Variants in SYT17 observed in about 807,000 individuals in gnomAD.
SYT17 encodes the protein synaptotagmin-17.
A neutral mutation model predicts 46.7 loss-of-function variants in SYT17; 22 were observed. The ratio of observed to expected loss-of-function variants is 0.47; its 90% CI spans 0.34 to 0.67. The LOEUF is 0.67. Ranked by LOEUF, SYT17 falls within the 30% of genes least tolerant of loss-of-function variation. The pLI, the probability that SYT17 is intolerant of heterozygous loss-of-function variation, is 0.01. For missense variants in SYT17, 519 were observed against 612.8 expected, an observed-to-expected ratio of 0.85 and a Z score of 1.62; for synonymous variants, 251 against 248.4, an observed-to-expected ratio of 1.01 and a Z score of -0.10.
chr16:19,192,818 A>G (rs1434147768), intron 5 of SYT17, among the ~76,000 whole-genome samples: 1 of 152,164 alleles, frequency 6.6e-6, no homozygotes, highest in African/African-American at 2.4e-5. Flanking sequence ...GTGGGTTTCT[A>G]CTACTGTGAT....
At chr16:19,218,376 A>C (rs1449914722) in intron 5 of SYT17, among the ~76,000 whole-genome samples, 1 of 152,234 alleles carries the variant, frequency 6.6e-6, no homozygotes, top group African/African-American at 2.4e-5. Flanking sequence ...AGGCAGACAG[A>C]AACAGTGGCC....
chr16:19,250,359 T>TTGTGTGTG (rs55818940), intron 7 of SYT17, among the ~76,000 whole-genome samples: 9,535 of 132,434 alleles, frequency 0.072, 392 homozygotes, highest in East Asian at 0.14. Context: ...TCAAACATGT[T>TTGTGTGTG]TGTGTGTGTG....
At chr16:19,243,878 G>A (rs56678124) in intron 7 of SYT17, among the ~76,000 whole-genome samples, 4,880 of 138,368 alleles carry the variant, frequency 0.035, 285 homozygotes, top group African/African-American at 0.12. Context: ...GATAAAATAA[G>A]GGCCCCAGCC....
intron 7 of SYT17, chr16:19,250,083 G>A: frequency 6.6e-7 from 1 of 1,521,530 alleles, no homozygotes; most frequent in African/African-American, 1.4e-5. Flanking sequence ...GATTGAGTTG[G>A]TTGTGTGTCT....
chr16:19,168,417 G>T lies in SYT17; in HGVS notation c.-230G>T, dbSNP rs1963947326. 3.3e-6 allele frequency: 2 copies of T among 597,392 alleles called. No homozygotes were observed. The highest frequency in any genetic ancestry group is 2.0e-5 in the South Asian group (1 of 49,230). 37.0% of individuals were successfully genotyped at this position (597,392 alleles called of 1,614,324 possible). A position where few individuals can be genotyped will look rare whatever the true frequency, so the allele number is the denominator to read the frequency against. ...GGGGCCCTGGGCGCCCGATATCTCC[G>T]AACCGGGGAGGCGGCCCCGATTCCG... is the stretch of plus-strand genomic sequence containing the variant. On this transcript the variant is annotated 5_prime_UTR_variant, in exon 1 of 8. Transcript: ENST00000355377. The surrounding 1 kb of genome is among the most constrained non-coding windows in gnomAD (Gnocchi z 6.9).
chr16:19,262,296 A>T (rs1467487247), intron 7 of SYT17, among the ~76,000 whole-genome samples: 1 of 152,196 alleles, frequency 6.6e-6, no homozygotes, highest in African/African-American at 2.4e-5. Flanking sequence ...GTGCCCTTAT[A>T]ACAGAAACCC....
intron 7 of SYT17, among the ~76,000 whole-genome samples, chr16:19,239,162 G>A (rs955274982): frequency 3.9e-5 from 6 of 152,080 alleles, no homozygotes; most frequent in African/African-American, 7.2e-5. Context: ...GCGTGTGGCT[G>A]TAGTCCCAGC....
intron 6 of SYT17, among the ~76,000 whole-genome samples, chr16:19,223,874 G>A (rs1002216452): frequency 4.6e-5 from 7 of 152,214 alleles, no homozygotes; most frequent in African/African-American, 1.7e-4. Flanking sequence ...AAGAGTTTCA[G>A]ACTCACCACG....
chr16:19,168,512 G>A lies in SYT17; in HGVS notation c.-135G>A. ...GGGGCGGGCGCCGCTCATCAGCCAC[G>A]CCAGTCACGTCTGGGGCCACCGGCT... On this transcript the variant is annotated 5_prime_UTR_variant, in exon 1 of 8. Transcript: ENST00000355377. This position sits in a 1 kb window ranked among gnomAD's most constrained non-coding sequence, Gnocchi z 6.9. 1 of 1,270,814 alleles carries A rather than the reference G, an allele frequency of 7.9e-7. No homozygotes were observed. Among genetic ancestry groups the A allele is most frequent in the Non-Finnish European group, 1.1e-6 (1 of 921,034 alleles). 78.7% of individuals were successfully genotyped at this position (1,270,814 alleles called of 1,614,324 possible). A position where few individuals can be genotyped will look rare whatever the true frequency, so the allele number is the denominator to read the frequency against.
At chr16:19,177,944 G>A (rs1347904401) in intron 3 of SYT17, among the ~76,000 whole-genome samples, 2 of 152,228 alleles carry the variant, frequency 1.3e-5, no homozygotes, top group African/African-American at 4.8e-5. Flanking sequence ...GTGCCATTTA[G>A]AGTTTAGCAT....
intron 7 of SYT17, among the ~76,000 whole-genome samples, chr16:19,250,254 G>C (rs1055362390): frequency 6.6e-6 from 1 of 151,420 alleles, no homozygotes; most frequent in Admixed American, 6.6e-5. Flanking sequence ...TCTCTCTCTC[G>C]ACTCATATTT....
At chr16:19,242,454 G>C (rs1360617165) in intron 7 of SYT17, among the ~76,000 whole-genome samples, 1 of 152,188 alleles carries the variant, frequency 6.6e-6, no homozygotes, top group Non-Finnish European at 1.5e-5. Context: ...CTCATGGAGT[G>C]AATTAGGCAA....
chr16:19,250,695 G>A (rs1045403895), intron 7 of SYT17, among the ~76,000 whole-genome samples: 6 of 150,532 alleles, frequency 4.0e-5, no homozygotes, highest in Non-Finnish European at 5.9e-5. Flanking sequence ...GATTACAGGC[G>A]TGAACCACCA....
At chr16:19,190,933 C>T (rs1964992987) in intron 5 of SYT17, among the ~76,000 whole-genome samples, 1 of 151,874 alleles carries the variant, frequency 6.6e-6, no homozygotes, top group South Asian at 2.1e-4. Flanking sequence ...GTGCAGATGG[C>T]TTTTTGACCA....
At chr16:19,180,230 G>T in intron 3 of SYT17, 161 bp from the exon 4 acceptor site, 1 of 659,166 alleles carries the variant, frequency 1.5e-6, no homozygotes. Context: ...GCAAGACGTT[G>T]TTGAGAGTTT....
rs180837978 is a variant in SYT17 at position 19,239,043 on chromosome 16, C to T, written c.1228+14205C>T. ...CTGTAATCCCAGCACTTTGGAAGGC[C>T]GGGGCAGGAGGATTGCTCGGGGCTG... is the stretch of plus-strand genomic sequence containing the variant. On this transcript the variant is annotated intron_variant, in intron 7 of 7. Coordinates refer to ENST00000355377, the MANE Select transcript of SYT17 (RefSeq NM_016524.4). Among the ~76,000 whole-genome samples the T allele has an allele frequency of 3.6e-3, 548 of 151,296 alleles. 4 individuals carry two copies. Among genetic ancestry groups the T allele is most frequent in the African/African-American group, 0.012 (509 of 41,228 alleles).
intron 7 of SYT17, among the ~76,000 whole-genome samples, chr16:19,248,299 G>A (rs62025401): frequency 0.14 from 21,469 of 152,124 alleles, 2,100 homozygotes; most frequent in African/African-American, 0.27. Flanking sequence ...AGCCACTTTG[G>A]AAACAGTTAT....
intron 2 of SYT17, 45 bp downstream of exon 2, chr16:19,172,822 A>AATGC (rs1210222457): frequency 6.2e-7 from 1 of 1,612,312 alleles, no homozygotes; most frequent in East Asian, 2.2e-5. Flanking sequence ...CTAATCAAGA[A>AATGC]ATGCCTGACT....
chr16:19,261,822 G>A (rs906145554), intron 7 of SYT17, among the ~76,000 whole-genome samples: 3 of 152,154 alleles, frequency 2.0e-5, no homozygotes, highest in African/African-American at 7.2e-5. Context: ...AGATAAGTCT[G>A]TCTCATTTTT....
Sources: gnomAD v4.1 joint callset for allele counts (sites outside exome capture counted in the v4.1 genomes callset) on GRCh38, gnomAD v4.1.1 for gene constraint, Gnocchi (gnomAD v3.1) non-coding constraint, MANE v1.5 for transcripts, NCBI Gene and HGNC (gene_info 2026-07-23, HGNC 2026-07-21) for gene names.